PDXK: variants seen among roughly 807,000 people sequenced by gnomAD.
PDXK encodes pyridoxal kinase, also known as epididymis secretory sperm binding protein Li 1a.
Under a neutral mutation model 43.2 loss-of-function variants are expected in PDXK, and 15 were observed. That is an observed-to-expected ratio of 0.35 (90% CI 0.23 to 0.53). The LOEUF (loss-of-function observed/expected upper bound fraction) is 0.53. Ranked by LOEUF, PDXK falls within the 20% of genes least tolerant of loss-of-function variation. The pLI is 0.92. For missense variants in PDXK, 343 were observed against 417.0 expected, an observed-to-expected ratio of 0.82 and a Z score of 1.54; for synonymous variants, 172 against 165.4, an observed-to-expected ratio of 1.04 and a Z score of -0.31.
Position 43,719,311 on chromosome 21 carries a change from G to C in PDXK, c.17G>C (p.Arg6Pro). 6.7e-7 allele frequency: 1 copy of C among 1,495,588 alleles called. No individual in the cohort carries two copies. The highest frequency in any genetic ancestry group is 8.9e-7 in the Non-Finnish European group (1 of 1,122,974). 92.6% of individuals were successfully genotyped at this position (1,495,588 alleles called of 1,614,324 possible). The change falls in exon 1 of 11, where the codon CGG (arginine) becomes CCG (proline). Residue 6 changes from arginine to proline, a missense_variant. Arg to Pro is a moderately radical substitution (Grantham distance 103, BLOSUM62 -2). Coordinates refer to ENST00000291565, the MANE Select transcript of PDXK (RefSeq NM_003681.5). MEEEC[R>P]VLSIQSHVIR... ...AGGCCCGGCATGGAGGAGGAGTGCCGGGTGCTCTCCATACAGAGCCACGTC... is the reference window on the plus strand; with the variant it reads ...AGGCCCGGCATGGAGGAGGAGTGCCCGGTGCTCTCCATACAGAGCCACGTC...
At chr21:43,722,064 T>TG (rs3216363) in intron 1 of PDXK, among the ~76,000 whole-genome samples, 1 of 151,944 alleles carries the variant, frequency 6.6e-6, no homozygotes, top group South Asian at 2.1e-4. Flanking sequence ...GGAGAGGAGC[T>TG]GGGGGGGCTG....
At position 43,742,150 on chromosome 21, in the gene PDXK, T is replaced by TA. The variant is rs541942574; in HGVS notation, c.247+388dup. 1.7e-3 allele frequency among the ~76,000 whole-genome samples: 259 copies of TA among 151,746 alleles called. 1 individual carries two copies. The highest frequency in any genetic ancestry group is 3.1e-3 in the Non-Finnish European group (209 of 67,880). ...TGCCATCCTTTGTCAACTTTCTGGT[T>TA]AAAAAAAAATTGTATTTGTATACAT... On this transcript the variant is annotated intron_variant, in intron 3 of 10. Coordinates refer to ENST00000291565, the MANE Select transcript of PDXK (RefSeq NM_003681.5).
chr21:43,734,779 A>G lies in PDXK; in HGVS notation c.142+656A>G, dbSNP rs2083376775. Among the ~76,000 whole-genome samples, 1 of 151,812 alleles carries G rather than the reference A, an allele frequency of 6.6e-6. No homozygotes were observed. Among genetic ancestry groups the G allele is most frequent in the Non-Finnish European group, 1.5e-5 (1 of 67,910 alleles). The stretch of plus-strand genomic sequence containing the variant: ...ATGGCCTGGGGGTGGAGGTGCGTGG[A>G]GTCCCCCCTCCTCTCTGTGGTTTCT... On this transcript the variant is annotated intron_variant, in intron 2 of 10. Transcript: ENST00000291565. The surrounding 1 kb of genome is among the most constrained non-coding windows in gnomAD (Gnocchi z 5.0).
chr21:43,740,420 A>G (rs1190006034), intron 2 of PDXK, among the ~76,000 whole-genome samples: 2 of 152,070 alleles, frequency 1.3e-5, no homozygotes, highest in Non-Finnish European at 2.9e-5. Context: ...GAACCCATAC[A>G]TCAGTTTTCC....
rs1027050418 is a variant in PDXK, at chr21:43,756,039, C to T, written c.915C>T (p.Ile305=). The change falls in exon 11 of 11, where the codon ATC becomes ATT. Residue 305 remains isoleucine (I), a synonymous_variant. Coordinates refer to ENST00000291565, the MANE Select transcript of PDXK (RefSeq NM_003681.5). ...QSKRDIEDPE[I]VVQATVL is the part of the protein sequence containing the mutation. ...AAAGGGACATCGAGGACCCAGAGAT[C>T]GTCGTCCAGGCCACGGTGCTGTGAG... 1.9e-6 allele frequency: 3 copies of T among 1,610,908 alleles called. No homozygotes were observed. The highest frequency in any genetic ancestry group is 2.5e-6 in the Non-Finnish European group (3 of 1,178,438).
intron 7 of PDXK, 119 bp downstream of exon 7, chr21:43,750,664 G>A: frequency 1.4e-6 from 1 of 717,706 alleles, no homozygotes; most frequent in Non-Finnish European, 2.3e-6. Context: ...TGAACAGTCT[G>A]TACCAGTCGG....
intron 9 of PDXK, 41 bp downstream of exon 9, chr21:43,753,760 G>T (rs754200347): frequency 1.3e-6 from 2 of 1,574,866 alleles, no homozygotes; most frequent in South Asian, 1.2e-5. Flanking sequence ...CCACTCCCAC[G>T]GCACCTCATG....
intron 8 of PDXK, 121 bp downstream of exon 8, chr21:43,752,750 A>T: frequency 3.2e-6 from 2 of 631,104 alleles, no homozygotes; most frequent in South Asian, 3.7e-5. Flanking sequence ...CAGCACCGGG[A>T]TGACACCCCC....
intron 1 of PDXK, chr21:43,728,820 G>C (rs961122511): frequency 3.0e-6 from 3 of 985,616 alleles, no homozygotes; most frequent in Non-Finnish European, 3.6e-6. Flanking sequence ...CTGCGGTCCA[G>C]CCGGATGACT....
chr21:43,746,333 G>A (rs1018858161), intron 5 of PDXK, among the ~76,000 whole-genome samples: 29 of 152,176 alleles, frequency 1.9e-4, no homozygotes, highest in African/African-American at 5.3e-4. Flanking sequence ...CACCTTTGCC[G>A]GCCGCACAGC....
At chr21:43,733,904 G>A (rs569074830) in intron 1 of PDXK, among the ~76,000 whole-genome samples, 165 bp from the exon 2 acceptor site, 6 of 152,328 alleles carry the variant, frequency 3.9e-5, no homozygotes, top group South Asian at 2.1e-4. Context: ...TGTGTGACTC[G>A]GGGAGAGCCT....
intron 1 of PDXK, chr21:43,729,010 G>T: frequency 1.0e-6 from 1 of 985,638 alleles, no homozygotes; most frequent in Non-Finnish European, 1.2e-6. Flanking sequence ...CACGCCTGCA[G>T]GTGGGGGAGC....
At chr21:43,747,609 C>G (rs965896753) in intron 5 of PDXK, among the ~76,000 whole-genome samples, 12 of 152,238 alleles carry the variant, frequency 7.9e-5, no homozygotes, top group Non-Finnish European at 1.6e-4. Flanking sequence ...CTGCAGGACC[C>G]CAGCTTGCAG....
At position 43,723,685 on chromosome 21, in the gene PDXK, C is replaced by T. The variant is rs892628270; in HGVS notation, c.87+4304C>T. The stretch of plus-strand genomic sequence containing the variant: ...CCAAACTGGGCTGTGCAGAGATTGT[C>T]CCAAGCACGTCTGAGGCCAGTAGCT... On this transcript the variant is annotated intron_variant, in intron 1 of 10. Transcript: ENST00000291565. The surrounding 1 kb of genome is among the most constrained non-coding windows in gnomAD (Gnocchi z 4.1). The T allele has an allele frequency of 3.3e-5, 5 of 152,252 alleles. No individual in the cohort carries two copies. The East Asian group carries it at 9.6e-4, about 29-fold the overall frequency. The allele number at this position is 152,252 out of a possible 1,614,324, so 9.4% of individuals were successfully genotyped here.
At chr21:43,741,535 G>T in intron 2 of PDXK, 132 bp from the exon 3 acceptor site, 1 of 1,491,506 alleles carries the variant, frequency 6.7e-7, no homozygotes, top group East Asian at 2.4e-5. Context: ...GATCTCCTTC[G>T]GGTTTGAGCC....
chr21:43,733,708 T>A, intron 1 of PDXK: 1 of 1,120,582 alleles, frequency 8.9e-7, no homozygotes, highest in South Asian at 1.9e-5. Flanking sequence ...GACAGATGGG[T>A]ATTGCCTTCG....
At chr21:43,728,503 C>T (rs1391702541) in intron 1 of PDXK, among the ~76,000 whole-genome samples, 1 of 152,178 alleles carries the variant, frequency 6.6e-6, no homozygotes, top group Non-Finnish European at 1.5e-5. Flanking sequence ...CTGGAATGTT[C>T]CAGAGCTTCC....
In PDXK at chr21:43,734,295, G is replaced by T. The variant is rs1337107249; in HGVS notation, c.142+172G>T. Among the ~76,000 whole-genome samples, 22 of 111,222 alleles carry T rather than the reference G, an allele frequency of 2.0e-4. No homozygotes were observed. In the Admixed American group the frequency reaches 2.4e-3, roughly 12 times the overall value. 73.0% of individuals were successfully genotyped at this position (111,222 alleles called of 152,430 possible). On this transcript the variant is annotated intron_variant, in intron 2 of 10. Transcript: ENST00000291565. This position sits in a 1 kb window ranked among gnomAD's most constrained non-coding sequence, Gnocchi z 5.0. The stretch of plus-strand genomic sequence containing the variant: ...CGGGCAGAGCCTGCACAGCATATCA[G>T]GGTGTAGGCCTGGGTGGCCTCGCCT...
intron 2 of PDXK, among the ~76,000 whole-genome samples, chr21:43,739,702 C>T (rs1036654867): frequency 6.6e-6 from 1 of 151,750 alleles, no homozygotes; most frequent in African/African-American, 2.4e-5. Context: ...AGGTCCCTCC[C>T]ACAACATGTA....
Sources: allele counts gnomAD v4.1 joint callset (sites outside exome capture counted in the v4.1 genomes callset), GRCh38; gene constraint gnomAD v4.1.1; non-coding constraint Gnocchi (gnomAD v3.1); transcripts MANE v1.5; gene names NCBI Gene and HGNC (gene_info 2026-07-23, HGNC 2026-07-21).